BLOC1S5: variants seen among roughly 807,000 people sequenced by gnomAD.
BLOC1S5 encodes biogenesis of lysosomal organelles complex 1 subunit 5.
Under a neutral mutation model 24.3 loss-of-function variants are expected in BLOC1S5, and 27 were observed. The observed-to-expected ratio is 1.11, with a 90% CI of 0.82 to 1.53. The LOEUF is 1.53. BLOC1S5 is among the 40% of genes most tolerant of loss of function. BLOC1S5 has a pLI of 0.00. For missense variants in BLOC1S5, 239 were observed against 229.4 expected (o/e 1.04, Z -0.27); for synonymous variants, 84 against 74.5 (o/e 1.13, Z -0.66).
chr6:8,041,655 C>CTTTTTTTTTTTTTTTTTTTTT (rs1554139177), intron 2 of BLOC1S5, among the ~76,000 whole-genome samples: 5 of 111,868 alleles, frequency 4.5e-5, no homozygotes, highest in African/African-American at 6.5e-5. Flanking sequence ...TTCTTTCTTT[C>CTTTTTTTTTTTTTTTTTTTTT]TTTTTTTTTG....
rs767292467 is a variant in BLOC1S5, at chr6:8,064,384, A to G, written c.-8T>C. 1.9e-6 allele frequency: 3 copies of G among 1,605,212 alleles called. No homozygotes were observed. The highest frequency in any genetic ancestry group is 4.5e-5 in the East Asian group (2 of 44,754). On this transcript the variant is annotated 5_prime_UTR_variant, in exon 1 of 5. Transcript: ENST00000397457. ...TGTCCCTCCGCCACTCATCCCGACC[A>G]GTTCCGCCCACCCGCGGCCACGCTG...
At chr6:8,056,546 G>A (rs1253053705) in intron 2 of BLOC1S5, among the ~76,000 whole-genome samples, 1 of 152,188 alleles carries the variant, frequency 6.6e-6, no homozygotes, top group African/African-American at 2.4e-5. Context: ...TGGAAGAATC[G>A]AGAGAGTAGT....
intron 3 of BLOC1S5, among the ~76,000 whole-genome samples, chr6:8,026,693 A>T (rs75703483): frequency 6.6e-6 from 1 of 152,208 alleles, no homozygotes; most frequent in African/African-American, 2.4e-5. Flanking sequence ...CTCCAATGAC[A>T]GATTGTCTAC....
Position 8,062,518 on chromosome 6 carries a change from A to C in BLOC1S5, c.195+16T>G. 2 of 1,472,036 alleles carry C rather than the reference A, an allele frequency of 1.4e-6. No individual in the cohort carries two copies. The highest frequency in any genetic ancestry group is 1.9e-6 in the Non-Finnish European group (2 of 1,070,876). The allele number at this position is 1,472,036 out of a possible 1,614,324, so 91.2% of individuals were successfully genotyped here. A position where few individuals can be genotyped will look rare whatever the true frequency, so the allele number is the denominator to read the frequency against. ...AATTAGGGAAGTACTTTTATAAAATAAGTTTAAATACTCACTTCAAATTCT... is the reference window on the plus strand; with the variant it reads ...AATTAGGGAAGTACTTTTATAAAATCAGTTTAAATACTCACTTCAAATTCT... On this transcript the variant is annotated intron_variant, in intron 2 of 4. Transcript: ENST00000397457.
chr6:8,053,559 T>C (rs961578059), intron 2 of BLOC1S5, among the ~76,000 whole-genome samples: 1 of 152,240 alleles, frequency 6.6e-6, no homozygotes, highest in Non-Finnish European at 1.5e-5. Context: ...ATAATGCTAC[T>C]GCAAACTTAA....
chr6:8,051,361 G>A (rs1428840134), intron 2 of BLOC1S5, among the ~76,000 whole-genome samples: 1 of 152,162 alleles, frequency 6.6e-6, no homozygotes, highest in Non-Finnish European at 1.5e-5. Context: ...TCCTATGAAG[G>A]TTGAGAGAGG....
intron 1 of BLOC1S5, among the ~76,000 whole-genome samples, chr6:8,063,561 T>C (rs561862729): frequency 1.1e-4 from 17 of 152,190 alleles, no homozygotes; most frequent in Non-Finnish European, 1.9e-4. Flanking sequence ...ATTTTATTAG[T>C]ACATATCTTC....
At chr6:8,064,173 G>A in intron 1 of BLOC1S5, 92 bp downstream of exon 1, 1 of 1,114,198 alleles carries the variant, frequency 9.0e-7, no homozygotes, top group Non-Finnish European at 1.2e-6. Context: ...CGCCAGCCCG[G>A]GACCCGGGGG....
At chr6:8,032,415 C>CT (rs1481426738) in intron 3 of BLOC1S5, among the ~76,000 whole-genome samples, 7 of 151,892 alleles carry the variant, frequency 4.6e-5, no homozygotes, top group Non-Finnish European at 7.4e-5. Context: ...TCGATAAGAC[C>CT]TTACTCCTGC....
chr6:8,016,910 G>A (rs1307332674), intron 4 of BLOC1S5, among the ~76,000 whole-genome samples: 2 of 146,538 alleles, frequency 1.4e-5, no homozygotes, highest in African/African-American at 2.5e-5. Context: ...TCTCCTCTGG[G>A]TCAGTTCTAG....
intron 4 of BLOC1S5, among the ~76,000 whole-genome samples, chr6:8,017,578 T>G (rs533614911): frequency 6.6e-6 from 1 of 152,342 alleles, no homozygotes; most frequent in East Asian, 1.9e-4. Context: ...TTCTTCCTGT[T>G]CTATTTTCTC....
rs1762888978 is a variant in BLOC1S5, at chr6:8,020,713, AG to A, written c.385-4886del. On this transcript the variant is annotated intron_variant, in intron 4 of 4. Coordinates refer to ENST00000397457, the MANE Select transcript of BLOC1S5 (RefSeq NM_201280.3). Reference sequence around the variant, plus strand: ...TTTTTACACTGGCATTGTTTTGTATAGTATTTATTGATTCAAGAAACATAAA... The same window carrying A: ...TTTTTACACTGGCATTGTTTTGTATATATTTATTGATTCAAGAAACATAAA... Among the ~76,000 whole-genome samples, 3 of 152,344 alleles carry A rather than the reference AG, an allele frequency of 2.0e-5. No homozygotes were observed. In the South Asian group the frequency reaches 6.2e-4, roughly 32 times the overall value.
Position 8,015,528 on chromosome 6 carries a change from T to A in BLOC1S5, c.*121A>T, listed in dbSNP as rs1296783308. 2.0e-6 allele frequency: 2 copies of A among 993,486 alleles called. No homozygotes were observed. Among genetic ancestry groups the A allele is most frequent in the Admixed American group, 2.7e-5 (1 of 37,362 alleles). The allele number at this position is 993,486 out of a possible 1,614,324, so 61.5% of individuals were successfully genotyped here. A position where few individuals can be genotyped will look rare whatever the true frequency, so the allele number is the denominator to read the frequency against. On this transcript the variant is annotated 3_prime_UTR_variant, in exon 5 of 5. Coordinates refer to ENST00000397457, the MANE Select transcript of BLOC1S5 (RefSeq NM_201280.3). ...CAGTAGAAACTTCTTTCTTCTGATA[T>A]AAGAGTGCCACTGAATATATTGCTA... is the stretch of plus-strand genomic sequence containing the variant.
intron 2 of BLOC1S5, among the ~76,000 whole-genome samples, chr6:8,043,836 C>T (rs765504617): frequency 2.0e-5 from 3 of 152,152 alleles, no homozygotes; most frequent in Non-Finnish European, 2.9e-5. Flanking sequence ...AGAATTCCCA[C>T]ATGTTGTGGG....
chr6:8,024,979 C>A (rs1442331411), intron 4 of BLOC1S5, among the ~76,000 whole-genome samples: 1 of 152,194 alleles, frequency 6.6e-6, no homozygotes, highest in South Asian at 2.1e-4. Context: ...CATCTTCCTA[C>A]TATACACAGG....
At chr6:8,049,381 AAG>A (rs1554139939) in intron 2 of BLOC1S5, among the ~76,000 whole-genome samples, 2 of 151,886 alleles carry the variant, frequency 1.3e-5, no homozygotes, top group African/African-American at 2.4e-5. Flanking sequence ...CAAAAAAAAA[AAG>A]AAAGGAAAGA....
At chr6:8,016,876 C>CAAAAAAA (rs36179729) in intron 4 of BLOC1S5, among the ~76,000 whole-genome samples, 6 of 97,580 alleles carry the variant, frequency 6.1e-5, no homozygotes, top group Non-Finnish European at 7.8e-5. Context: ...TACTCTATCT[C>CAAAAAAA]AAAAAAAAAA....
chr6:8,053,035 AT>A (rs1764178039), intron 2 of BLOC1S5, among the ~76,000 whole-genome samples: 1 of 152,192 alleles, frequency 6.6e-6, no homozygotes, highest in South Asian at 2.1e-4. Flanking sequence ...TCCTGGTGAA[AT>A]TAGGCCAATT....
intron 3 of BLOC1S5, among the ~76,000 whole-genome samples, chr6:8,031,064 G>A (rs1454231961): frequency 3.3e-5 from 5 of 152,044 alleles, no homozygotes; most frequent in South Asian, 2.1e-4. Flanking sequence ...CCTGAGAACC[G>A]GAACAAGACA....
Sources: allele counts gnomAD v4.1 joint callset (sites outside exome capture counted in the v4.1 genomes callset), GRCh38; gene constraint gnomAD v4.1.1; transcripts MANE v1.5; gene names NCBI Gene and HGNC (gene_info 2026-07-23, HGNC 2026-07-21).